The following PPP2R2C variants were observed in gnomAD, a reference collection of about 807,000 sequenced individuals.
PPP2R2C encodes the protein protein phosphatase 2, regulatory subunit B, gamma.
In PPP2R2C, 10 loss-of-function variants were observed where a neutral mutation model predicts 45.3. That is an observed-to-expected ratio of 0.22 (90% confidence interval 0.14 to 0.37). The LOEUF (loss-of-function observed/expected upper bound fraction) is 0.37. PPP2R2C is among the 10% of genes least tolerant of loss of function. The pLI is 1.00. For synonymous variants in PPP2R2C, 257 were observed against 245.4 expected (o/e 1.05, Z -0.44); for missense variants, 308 against 619.7 (o/e 0.50, Z 5.34).
intron 1 of PPP2R2C, among the ~76,000 whole-genome samples, chr4:6,410,703 C>T (rs1429921524): frequency 6.6e-6 from 1 of 151,954 alleles, no homozygotes; most frequent in African/African-American, 2.4e-5. Context: ...GAAGCCCATC[C>T]CTGCCACTTA....
At chr4:6,382,189 T>C (rs1715847880) in intron 1 of PPP2R2C, 1 of 1,198,712 alleles carries the variant, frequency 8.3e-7, no homozygotes, top group African/African-American at 1.6e-5. Flanking sequence ...TGGAAAGTTC[T>C]AGAATACCAT....
intron 1 of PPP2R2C, among the ~76,000 whole-genome samples, chr4:6,539,794 G>T (rs1341556587): frequency 1.3e-5 from 2 of 152,128 alleles, no homozygotes; most frequent in Admixed American, 1.3e-4. Context: ...ACAACCTTGC[G>T]GGCGATACAG....
In PPP2R2C at chr4:6,328,641, C is replaced by T. The variant is rs1252295572; in HGVS notation, c.1052+621G>A. Among the ~76,000 whole-genome samples the T allele has an allele frequency of 1.3e-5, 2 of 152,202 alleles. No individual in the cohort carries two copies. The highest frequency in any genetic ancestry group is 4.8e-5 in the African/African-American group (2 of 41,458). ...TTGTCCATGCCCGCCCTGGGCTGAG[C>T]CCAGGCTAGGGAGACACAGGAACTC... On this transcript the variant is annotated intron_variant, in intron 8 of 8. Coordinates refer to ENST00000382599, the MANE Select transcript of PPP2R2C (RefSeq NM_020416.4). This position sits in a 1 kb window ranked among gnomAD's most constrained non-coding sequence, Gnocchi z 4.4.
At position 6,322,204 on chromosome 4, in the gene PPP2R2C, GGA is replaced by G. The variant is rs1731595040; in HGVS notation, c.*1096_*1097del. Reference sequence around the variant, plus strand: ...ACATGAGCCGCCCACGAGATGGACTGGAGAGAACCTTGTGTGAAGACCCGGAC... The same window carrying G: ...ACATGAGCCGCCCACGAGATGGACTGGAGAACCTTGTGTGAAGACCCGGAC... On this transcript the variant is annotated 3_prime_UTR_variant, in exon 9 of 9. Coordinates refer to ENST00000382599, the MANE Select transcript of PPP2R2C (RefSeq NM_020416.4). This position sits in a 1 kb window ranked among gnomAD's most constrained non-coding sequence, Gnocchi z 7.8. The G allele has an allele frequency of 6.6e-6, 1 of 152,136 alleles. No homozygotes were observed. The highest frequency in any genetic ancestry group is 1.5e-5 in the Non-Finnish European group (1 of 68,046). The allele number at this position is 152,136 out of a possible 1,614,324, so 9.4% of individuals were successfully genotyped here. A position where few individuals can be genotyped will look rare whatever the true frequency, so the allele number is the denominator to read the frequency against.
intron 1 of PPP2R2C, among the ~76,000 whole-genome samples, chr4:6,423,684 T>C (rs575125666): frequency 6.6e-6 from 1 of 152,188 alleles, no homozygotes; most frequent in Non-Finnish European, 1.5e-5. Flanking sequence ...GGGGAATCTT[T>C]TTTTGATAAG....
At chr4:6,401,911 G>A (rs1444570613) in intron 1 of PPP2R2C, among the ~76,000 whole-genome samples, 1 of 152,156 alleles carries the variant, frequency 6.6e-6, no homozygotes, top group East Asian at 1.9e-4. Context: ...ACAACAGAGT[G>A]GAGTCAATGG....
Position 6,332,649 on chromosome 4 carries a change from A to G in PPP2R2C, c.960+913T>C, listed in dbSNP as rs1732500388. ...CTGAATCTGTCACCGCCCAGCCGAG[A>G]GACACCTCCCTCATCTCCCTACCTC... On this transcript the variant is annotated intron_variant, in intron 7 of 8. Transcript: ENST00000382599. This position sits in a 1 kb window ranked among gnomAD's most constrained non-coding sequence, Gnocchi z 4.9. Among the ~76,000 whole-genome samples the G allele has an allele frequency of 2.0e-5, 3 of 152,154 alleles. No homozygotes were observed. Among genetic ancestry groups the G allele is most frequent in the African/African-American group, 7.2e-5 (3 of 41,424 alleles).
intron 1 of PPP2R2C, among the ~76,000 whole-genome samples, chr4:6,407,969 G>A (rs956179038): frequency 6.6e-6 from 1 of 152,134 alleles, no homozygotes; most frequent in African/African-American, 2.4e-5. Flanking sequence ...AAAACAGAAT[G>A]TAAAATGTCT....
At position 6,323,971 on chromosome 4, in the gene PPP2R2C, C is replaced by T. The variant is rs113940152; in HGVS notation, c.1053-378G>A. 5.8e-3 allele frequency among the ~76,000 whole-genome samples: 883 copies of T among 152,164 alleles called. 3 individuals carry two copies. Among genetic ancestry groups the T allele is most frequent in the Admixed American group, 8.8e-3 (135 of 15,274 alleles). ...AACAACAAACAAATGAAAAAGCAAT[C>T]CCAGAGCCTACAGAGCCATCACTCC... On this transcript the variant is annotated intron_variant, in intron 8 of 8. Coordinates refer to ENST00000382599, the MANE Select transcript of PPP2R2C (RefSeq NM_020416.4).
intron 2 of PPP2R2C, among the ~76,000 whole-genome samples, chr4:6,534,695 C>A (rs1051581726): frequency 9.9e-5 from 15 of 152,156 alleles, no homozygotes; most frequent in African/African-American, 3.1e-4. Context: ...ACGCACGGCC[C>A]GCACACTCCC....
intron 1 of PPP2R2C, among the ~76,000 whole-genome samples, chr4:6,432,523 G>C (rs950472605): frequency 6.6e-6 from 1 of 152,144 alleles, no homozygotes; most frequent in African/African-American, 2.4e-5. Context: ...CAGCTTCACT[G>C]TCATCTCCCA....
chr4:6,382,440 G>A (rs753161896), intron 1 of PPP2R2C: 171 of 1,351,864 alleles, frequency 1.3e-4, no homozygotes, highest in Non-Finnish European at 1.6e-4. Context: ...CCCTCTGGCG[G>A]CCAACGTGAT....
chr4:6,478,933 G>A (rs1722258481), intron 2 of PPP2R2C, among the ~76,000 whole-genome samples: 1 of 152,190 alleles, frequency 6.6e-6, no homozygotes, highest in Non-Finnish European at 1.5e-5. Flanking sequence ...CTACAGCGTC[G>A]CTGGCCCAAA....
intron 4 of PPP2R2C, among the ~76,000 whole-genome samples, chr4:6,375,126 G>T (rs1715189090): frequency 6.6e-6 from 1 of 152,146 alleles, no homozygotes; most frequent in African/African-American, 2.4e-5. Context: ...CTTGGGACGG[G>T]GGGTGGGGCA....
In PPP2R2C at chr4:6,328,149, C is replaced by T. The variant is rs1248954691; in HGVS notation, c.1052+1113G>A. On this transcript the variant is annotated intron_variant, in intron 8 of 8. Transcript: ENST00000382599. The surrounding 1 kb of genome is among the most constrained non-coding windows in gnomAD (Gnocchi z 4.4). Reference sequence around the variant, plus strand: ...TGCCATCCACAGGGTGGACAGCCCCCCACCAGGTGATGCCCAAGTCAGGGC... The same window carrying T: ...TGCCATCCACAGGGTGGACAGCCCCTCACCAGGTGATGCCCAAGTCAGGGC... Among the ~76,000 whole-genome samples, 3 of 152,180 alleles carry T rather than the reference C, an allele frequency of 2.0e-5. No individual in the cohort carries two copies. The highest frequency in any genetic ancestry group is 6.5e-5 in the Admixed American group (1 of 15,284).
intron 1 of PPP2R2C, among the ~76,000 whole-genome samples, chr4:6,469,092 A>C (rs1259378394): frequency 6.6e-6 from 1 of 151,422 alleles, no homozygotes; most frequent in East Asian, 1.9e-4. Flanking sequence ...AAAAAAAAAA[A>C]AAAAAAAAAA....
At chr4:6,527,513 A>G (rs1724252697) in intron 2 of PPP2R2C, among the ~76,000 whole-genome samples, 1 of 95,164 alleles carries the variant, frequency 1.1e-5, no homozygotes. Context: ...AACATGTGCC[A>G]TGAGAATACC....
intron 1 of PPP2R2C, among the ~76,000 whole-genome samples, chr4:6,437,869 A>G (rs1008352558): frequency 1.3e-5 from 2 of 152,250 alleles, no homozygotes; most frequent in Non-Finnish European, 2.9e-5. Context: ...TTTTACGTGC[A>G]TCGGCTGCTG....
chr4:6,445,967 G>A (rs756949141), intron 1 of PPP2R2C, among the ~76,000 whole-genome samples: 1 of 152,122 alleles, frequency 6.6e-6, no homozygotes, highest in East Asian at 1.9e-4. Context: ...GCGACTGCCC[G>A]GCACACCCTC....
Sources: gnomAD v4.1 joint callset for allele counts (sites outside exome capture counted in the v4.1 genomes callset) on GRCh38, gnomAD v4.1.1 for gene constraint, Gnocchi (gnomAD v3.1) non-coding constraint, MANE v1.5 for transcripts, NCBI Gene and HGNC (gene_info 2026-07-23, HGNC 2026-07-21) for gene names.